ADAMTS19: variants seen among roughly 807,000 people sequenced by gnomAD.
The protein encoded by ADAMTS19 is ADAM metallopeptidase with thrombospondin type 1 motif 19.
A neutral mutation model predicts 153.3 loss-of-function variants in ADAMTS19; 93 were observed. That is an observed-to-expected ratio of 0.61 (90% CI 0.51 to 0.72). The LOEUF (loss-of-function observed/expected upper bound fraction) is 0.72. ADAMTS19 is among the 30% of genes least tolerant of loss of function. ADAMTS19 has a pLI of 0.00. For missense variants in ADAMTS19, 1,482 were observed against 1,552.1 expected (o/e 0.95, Z 0.76); for synonymous variants, 600 against 556.6 (o/e 1.08, Z -1.10).
chr5:129,495,862 C>T (rs898627756), intron 2 of ADAMTS19, among the ~76,000 whole-genome samples: 1 of 152,036 alleles, frequency 6.6e-6, no homozygotes. Flanking sequence ...TATATCAGCT[C>T]TTTAGGTGTA....
chr5:129,660,210 C>A (rs1753761481), intron 15 of ADAMTS19, among the ~76,000 whole-genome samples: 1 of 152,104 alleles, frequency 6.6e-6, no homozygotes, highest in South Asian at 2.1e-4. Context: ...GCAGATCAAA[C>A]TCTTAGTCTT....
intron 7 of ADAMTS19, 129 bp from the exon 8 acceptor site, chr5:129,596,430 C>A: frequency 1.7e-6 from 1 of 589,796 alleles, no homozygotes; most frequent in South Asian, 3.0e-5. Flanking sequence ...TTTATTAGGG[C>A]TAGATTTCAC....
chr5:129,542,732 T>C (rs910299972), intron 6 of ADAMTS19, among the ~76,000 whole-genome samples: 1 of 152,202 alleles, frequency 6.6e-6, no homozygotes, highest in Non-Finnish European at 1.5e-5. Context: ...CAGAAAGATA[T>C]ATATATTTAC....
At position 129,665,542 on chromosome 5, in the gene ADAMTS19, C is replaced by A; in HGVS notation, c.2469C>A (p.Ile823=). 6.2e-7 allele frequency: 1 copy of A among 1,610,536 alleles called. No individual in the cohort carries two copies. Among genetic ancestry groups the A allele is most frequent in the South Asian group, 1.1e-5 (1 of 90,806 alleles). ...VLVIPAGARR[I]KVVEEKPAHS... Reference sequence around the variant, plus strand: ...TGATACCTGCTGGAGCAAGAAGAATCAAAGTTGTGGAGGAAAAGCCGGCAC... The same window carrying A: ...TGATACCTGCTGGAGCAAGAAGAATAAAAGTTGTGGAGGAAAAGCCGGCAC... Residue 823 remains isoleucine, a synonymous_variant, in exon 16 of 23, where the codon ATC becomes ATA. Transcript: ENST00000274487.
intron 13 of ADAMTS19, among the ~76,000 whole-genome samples, chr5:129,650,055 G>A (rs1005521616): frequency 7.9e-5 from 12 of 152,152 alleles, no homozygotes; most frequent in African/African-American, 2.4e-4. Context: ...GTTGTGGCAT[G>A]TGCCTGTAGT....
chr5:129,466,051 T>C (rs1019918470), intron 2 of ADAMTS19, among the ~76,000 whole-genome samples: 37 of 152,324 alleles, frequency 2.4e-4, no homozygotes, highest in Admixed American at 1.9e-3. Flanking sequence ...GCAGGATTTC[T>C]TTTTTCTGTT....
intron 10 of ADAMTS19, among the ~76,000 whole-genome samples, chr5:129,641,610 A>T (rs1561621259): frequency 6.6e-6 from 1 of 152,112 alleles, no homozygotes; most frequent in Non-Finnish European, 1.5e-5. Context: ...TATGTGTTTT[A>T]TTTAAGGAAG....
At chr5:129,508,985 T>G in intron 2 of ADAMTS19, 92 bp from the exon 3 acceptor site, 1 of 1,115,942 alleles carries the variant, frequency 9.0e-7, no homozygotes. Context: ...TATGCATGTT[T>G]GTTAACAAAA....
chr5:129,481,733 T>C (rs1007389623), intron 2 of ADAMTS19, among the ~76,000 whole-genome samples: 4 of 152,136 alleles, frequency 2.6e-5, no homozygotes, highest in African/African-American at 9.7e-5. Context: ...GAAGTAAGTA[T>C]AGAAAGAGAA....
At position 129,461,238 on chromosome 5, in the gene ADAMTS19, A is replaced by T; in HGVS notation, c.228A>T (p.Gly76=). 5.5e-6 allele frequency: 7 copies of T among 1,265,208 alleles called. No individual in the cohort carries two copies. The highest frequency in any genetic ancestry group is 5.9e-6 in the Non-Finnish European group (6 of 1,011,126). 78.4% of individuals were successfully genotyped at this position (1,265,208 alleles called of 1,614,324 possible). Reference sequence around the variant, plus strand: ...GGGTGCGCGGCGTTGGGGGCGGCGGAAGCGCCCGGGCGCAGGCTGCCGGCA... The same window carrying T: ...GGGTGCGCGGCGTTGGGGGCGGCGGTAGCGCCCGGGCGCAGGCTGCCGGCA... ...PGWVRGVGGG[G]SARAQAAGSS... is the part of the protein sequence containing the mutation. Residue 76 remains glycine (G), a synonymous_variant, in exon 2 of 23, where the codon GGA becomes GGT. Coordinates refer to ENST00000274487, the MANE Select transcript of ADAMTS19 (RefSeq NM_133638.6). This position sits in a 1 kb window ranked among gnomAD's most constrained non-coding sequence, Gnocchi z 4.6.
chr5:129,650,474 C>T (rs978575030), intron 13 of ADAMTS19, among the ~76,000 whole-genome samples: 3 of 152,138 alleles, frequency 2.0e-5, no homozygotes, highest in Non-Finnish European at 2.9e-5. Context: ...GATTATTCCA[C>T]TACTAGTGGT....
rs1757773294 is a variant in ADAMTS19 at position 129,738,634 on chromosome 5, T to G, written c.*1416T>G. ...ACGAGCCAGTACAGGAAAAGCTGATTCCCTGGCTACTACTATCGCTGTGAG... is the reference window on the plus strand; with the variant it reads ...ACGAGCCAGTACAGGAAAAGCTGATGCCCTGGCTACTACTATCGCTGTGAG... On this transcript the variant is annotated 3_prime_UTR_variant, in exon 23 of 23. Transcript: ENST00000274487. 3 of 152,200 alleles carry G rather than the reference T, an allele frequency of 2.0e-5. No individual in the cohort carries two copies. The highest frequency in any genetic ancestry group is 3.4e-3 in the Middle Eastern group (1 of 294). 9.4% of individuals were successfully genotyped at this position (152,200 alleles called of 1,614,324 possible).
intron 19 of ADAMTS19, 111 bp downstream of exon 19, chr5:129,694,966 G>T (rs1177279175): frequency 1.6e-6 from 2 of 1,228,774 alleles, no homozygotes; most frequent in African/African-American, 3.1e-5. Flanking sequence ...CATTGCCAAA[G>T]GATACGTACC....
intron 6 of ADAMTS19, among the ~76,000 whole-genome samples, chr5:129,537,400 A>T (rs1028344811): frequency 1.3e-5 from 2 of 152,180 alleles, no homozygotes; most frequent in African/African-American, 4.8e-5. Context: ...TACAAATACC[A>T]TTTGACCCAG....
In ADAMTS19 at chr5:129,694,643, A is replaced by G; in HGVS notation, c.2819-77A>G. 2 of 1,119,632 alleles carry G rather than the reference A, an allele frequency of 1.8e-6. 1 individual carries two copies. Among genetic ancestry groups the G allele is most frequent in the South Asian group, 7.7e-5 (2 of 26,120 alleles). The allele number at this position is 1,119,632 out of a possible 1,614,324, so 69.4% of individuals were successfully genotyped here. ...GTTTTTTAAATAAAAAATAAGCATA[A>G]TAAGCTTATGAACACCTCCTAAATC... is the stretch of plus-strand genomic sequence containing the variant. On this transcript the variant is annotated intron_variant, in intron 18 of 22. Coordinates refer to ENST00000274487, the MANE Select transcript of ADAMTS19 (RefSeq NM_133638.6).
chr5:129,651,497 G>A (rs1482992016), intron 13 of ADAMTS19, among the ~76,000 whole-genome samples: 1 of 152,104 alleles, frequency 6.6e-6, no homozygotes, highest in Admixed American at 6.6e-5. Flanking sequence ...ATATGGCCAG[G>A]CTGACTTCCA....
At chr5:129,628,968 C>T (rs1752173512) in intron 10 of ADAMTS19, among the ~76,000 whole-genome samples, 1 of 152,066 alleles carries the variant, frequency 6.6e-6, no homozygotes, top group African/African-American at 2.4e-5. Flanking sequence ...GTATTCCCAT[C>T]ATTAAGCAAA....
At chr5:129,472,629 A>G (rs1750103415) in intron 2 of ADAMTS19, among the ~76,000 whole-genome samples, 1 of 152,150 alleles carries the variant, frequency 6.6e-6, no homozygotes, top group Non-Finnish European at 1.5e-5. Flanking sequence ...AGAAAGCAAC[A>G]GTTGAAATCT....
At chr5:129,686,380 G>A (rs1211471898) in intron 18 of ADAMTS19, among the ~76,000 whole-genome samples, 3 of 152,040 alleles carry the variant, frequency 2.0e-5, no homozygotes, top group Non-Finnish European at 4.4e-5. Flanking sequence ...GGTCTTGAGG[G>A]GTTAAAGAAT....
Sources: gnomAD v4.1 joint callset for allele counts (sites outside exome capture counted in the v4.1 genomes callset) on GRCh38, gnomAD v4.1.1 for gene constraint, Gnocchi (gnomAD v3.1) non-coding constraint, MANE v1.5 for transcripts, NCBI Gene and HGNC (gene_info 2026-07-23, HGNC 2026-07-21) for gene names.